The following LRP1B variants were observed in gnomAD, a reference collection of about 807,000 sequenced individuals.
The protein encoded by LRP1B is LDL receptor related protein 1B, also known as low-density lipoprotein receptor-related protein 1B.
A neutral mutation model predicts 556.6 loss-of-function variants in LRP1B; 217 were observed. That is an observed-to-expected ratio of 0.39 (90% CI 0.35 to 0.44). The LOEUF is 0.44. LRP1B is among the 20% of genes least tolerant of loss of function. The probability of loss-of-function intolerance (pLI) is 1.00; values close to 1 mark genes in which losing one functional copy is unlikely to be tolerated. For synonymous variants in LRP1B, 2,047 were observed against 1,865.8 expected (o/e 1.10, Z -2.50); for missense variants, 5,053 against 5,620.8 (o/e 0.90, Z 3.23).
chr2:141,970,567 T>C (rs958058611), intron 1 of LRP1B, among the ~76,000 whole-genome samples: 1 of 151,518 alleles, frequency 6.6e-6, no homozygotes, highest in Admixed American at 6.6e-5. Flanking sequence ...AATACAGTTA[T>C]TTAATATTAT....
intron 2 of LRP1B, among the ~76,000 whole-genome samples, chr2:141,802,320 A>G (rs922194701): frequency 6.6e-6 from 1 of 152,118 alleles, no homozygotes; most frequent in Non-Finnish European, 1.5e-5. Flanking sequence ...GTACAAAAAT[A>G]GAAACTATGA....
At chr2:141,457,253 C>T (rs574593497) in intron 3 of LRP1B, among the ~76,000 whole-genome samples, 45 of 152,122 alleles carry the variant, frequency 3.0e-4, no homozygotes, top group Non-Finnish European at 5.6e-4. Context: ...GTTTAGGTTA[C>T]TATATGGAAG....
At chr2:140,259,502 T>C (rs1388527208) in intron 86 of LRP1B, among the ~76,000 whole-genome samples, 1 of 152,024 alleles carries the variant, frequency 6.6e-6, no homozygotes, top group Non-Finnish European at 1.5e-5. Flanking sequence ...TTTTCTATTA[T>C]TTTCTGACTC....
chr2:140,549,229 C>A (rs1378369999), intron 43 of LRP1B, among the ~76,000 whole-genome samples: 3 of 152,122 alleles, frequency 2.0e-5, no homozygotes, highest in African/African-American at 7.2e-5. Context: ...TTCTCAGAAG[C>A]TTCCAGATGC....
At chr2:140,834,013 T>C (rs1230614750) in intron 31 of LRP1B, among the ~76,000 whole-genome samples, 1 of 152,236 alleles carries the variant, frequency 6.6e-6, no homozygotes, top group Non-Finnish European at 1.5e-5. Flanking sequence ...TACTATTGTT[T>C]ATTTCAAGAT....
intron 7 of LRP1B, among the ~76,000 whole-genome samples, chr2:141,112,736 G>A (rs909345604): frequency 1.3e-5 from 2 of 152,118 alleles, no homozygotes; most frequent in Non-Finnish European, 2.9e-5. Context: ...TAATGATTTA[G>A]TATTCACTAA....
intron 62 of LRP1B, among the ~76,000 whole-genome samples, chr2:140,452,397 C>A (rs1456133396): frequency 6.6e-6 from 1 of 152,048 alleles, no homozygotes; most frequent in Non-Finnish European, 1.5e-5. Flanking sequence ...ATTAGTTAAA[C>A]CAAGCGGTAT....
chr2:140,764,837 T>C (rs1220612693), intron 35 of LRP1B, among the ~76,000 whole-genome samples: 1 of 152,184 alleles, frequency 6.6e-6, no homozygotes, highest in Non-Finnish European at 1.5e-5. Flanking sequence ...CTTGGTGTTA[T>C]ACATTCTGTG....
chr2:140,608,737 AAACAAC>A (rs906883664), intron 41 of LRP1B, among the ~76,000 whole-genome samples: 1 of 152,124 alleles, frequency 6.6e-6, no homozygotes, highest in Admixed American at 6.5e-5. Context: ...GGTTTTCCCA[AAACAAC>A]AACAACAACA....
At chr2:142,057,622 A>AT (rs562758684) in intron 1 of LRP1B, among the ~76,000 whole-genome samples, 3 of 152,086 alleles carry the variant, frequency 2.0e-5, no homozygotes, top group African/African-American at 4.8e-5. Context: ...CTCACACACT[A>AT]TTTTTTTCCA....
rs1020870156 is a variant in LRP1B, at chr2:141,088,956, A to G, written c.1014-26683T>C. ...TCTGGACCTTAAAAAAATAAAAACA[A>G]ACAAAAAGTCATACATGTTATATCT... On this transcript the variant is annotated intron_variant, in intron 7 of 90. Coordinates refer to ENST00000389484, the MANE Select transcript of LRP1B (RefSeq NM_018557.3). Among the ~76,000 whole-genome samples the G allele has an allele frequency of 5.3e-5, 8 of 152,346 alleles. No individual in the cohort carries two copies. In the East Asian group the frequency reaches 1.5e-3, roughly 29 times the overall value.
chr2:141,415,980 T>C (rs1004038080), intron 3 of LRP1B, among the ~76,000 whole-genome samples: 1 of 152,220 alleles, frequency 6.6e-6, no homozygotes, highest in Non-Finnish European at 1.5e-5. Flanking sequence ...GAGTTTAAAT[T>C]AATCGCCAGA....
At chr2:141,957,409 C>G (rs1163418190) in intron 1 of LRP1B, among the ~76,000 whole-genome samples, 3 of 145,452 alleles carry the variant, frequency 2.1e-5, no homozygotes, top group African/African-American at 7.7e-5. Context: ...GGGGGGTGTA[C>G]ACTCCCAGCT....
intron 41 of LRP1B, among the ~76,000 whole-genome samples, chr2:140,661,523 G>A (rs1039028367): frequency 6.4e-5 from 9 of 141,658 alleles, no homozygotes; most frequent in African/African-American, 2.4e-4. Context: ...AAAAAAAAAC[G>A]CAGTGTGGTG....
chr2:140,812,553 T>C (rs948231372), intron 32 of LRP1B, among the ~76,000 whole-genome samples: 1 of 151,934 alleles, frequency 6.6e-6, no homozygotes, highest in East Asian at 1.9e-4. Context: ...TGTTTACTTA[T>C]TAACATATAC....
At chr2:140,248,697 T>A (rs1681277122) in intron 86 of LRP1B, among the ~76,000 whole-genome samples, 1 of 151,620 alleles carries the variant, frequency 6.6e-6, no homozygotes, top group Admixed American at 6.6e-5. Flanking sequence ...TTGTGGTATT[T>A]GCAGATGAAT....
chr2:140,352,983 G>A lies in LRP1B; in HGVS notation c.11620C>T (p.Gln3874Ter). 1 of 1,612,430 alleles carries A rather than the reference G, an allele frequency of 6.2e-7. No individual in the cohort carries two copies. Among genetic ancestry groups the A allele is most frequent in the Non-Finnish European group, 8.5e-7 (1 of 1,179,150 alleles). The change falls in exon 76 of 91, where the codon CAA (glutamine) becomes TAA (stop). Residue 3874 changes from glutamine (Q) to a stop codon, truncating the protein, a stop_gained. Coordinates refer to ENST00000389484, the MANE Select transcript of LRP1B (RefSeq NM_018557.3). LOFTEE classifies it high-confidence loss of function. ...GCTATGCAGGTGTTATTTCTTTCTT[G>A]AAAATTCTGGTCACACACACATTTA... The part of the protein sequence containing the change: ...SYKCVCDQNF[Q>*]ERNNTCIAEG...
At chr2:141,345,882 GT>G (rs995443936) in intron 3 of LRP1B, among the ~76,000 whole-genome samples, 2 of 151,532 alleles carry the variant, frequency 1.3e-5, no homozygotes, top group African/African-American at 2.4e-5. Flanking sequence ...AATTTTCTTT[GT>G]TTTTTTCCCA....
intron 3 of LRP1B, among the ~76,000 whole-genome samples, chr2:141,274,755 T>C (rs1407461942): frequency 6.6e-6 from 1 of 152,146 alleles, no homozygotes; most frequent in African/African-American, 2.4e-5. Flanking sequence ...ACAAAAAAAC[T>C]AGACATTACA....
Sources: allele counts gnomAD v4.1 joint callset (sites outside exome capture counted in the v4.1 genomes callset), GRCh38; gene constraint gnomAD v4.1.1; transcripts MANE v1.5; gene names NCBI Gene and HGNC (gene_info 2026-07-23, HGNC 2026-07-21).